The following KCNH1 variants were observed in gnomAD, a reference collection of about 807,000 sequenced individuals.
KCNH1 encodes potassium voltage-gated channel subfamily H member 1.
Under a neutral mutation model 69.2 loss-of-function variants are expected in KCNH1, and 27 were observed. The ratio of observed to expected loss-of-function variants is 0.39; its 90% confidence interval spans 0.29 to 0.54. The LOEUF (loss-of-function observed/expected upper bound fraction) is 0.54. Among genes scored for constraint, KCNH1 ranks in the 20% least tolerant of loss-of-function variants. KCNH1 has a pLI of 0.68. For synonymous variants in KCNH1, 456 were observed against 487.7 expected, an observed-to-expected ratio of 0.93 and a Z score of 0.86; for missense variants, 798 against 1,261.6, an observed-to-expected ratio of 0.63 and a Z score of 5.57.
At chr1:210,836,631 C>T (rs1469766773) in intron 7 of KCNH1, among the ~76,000 whole-genome samples, 1 of 152,182 alleles carries the variant, frequency 6.6e-6, no homozygotes, top group East Asian at 1.9e-4. Flanking sequence ...GTATAAGTCA[C>T]AGCACTTCCG....
chr1:210,888,846 A>T (rs1048219556), intron 7 of KCNH1, among the ~76,000 whole-genome samples: 1 of 152,218 alleles, frequency 6.6e-6, no homozygotes, highest in Admixed American at 6.5e-5. Context: ...CCCCAAGACT[A>T]AACCAGGAAG....
chr1:210,735,421 AGTGTGTGTGTGT>A (rs71146244), intron 10 of KCNH1, among the ~76,000 whole-genome samples: 5,100 of 132,060 alleles, frequency 0.039, 117 homozygotes, highest in African/African-American at 0.066. Flanking sequence ...TGAGTGAGTG[AGTGTGTGTGTGT>A]GTGTGTGTGT....
chr1:211,033,496 A>C (rs1039213028), intron 5 of KCNH1, among the ~76,000 whole-genome samples: 1 of 152,226 alleles, frequency 6.6e-6, no homozygotes, highest in African/African-American at 2.4e-5. Context: ...TCACAATAGC[A>C]AAGACTTGGA....
intron 7 of KCNH1, among the ~76,000 whole-genome samples, chr1:210,869,816 A>G (rs1328234602): frequency 6.6e-6 from 1 of 152,068 alleles, no homozygotes; most frequent in Non-Finnish European, 1.5e-5. Flanking sequence ...TCAAACTTCT[A>G]CCAGCCCTGT....
chr1:211,041,328 A>C (rs1689991365), intron 5 of KCNH1, among the ~76,000 whole-genome samples: 2 of 151,896 alleles, frequency 1.3e-5, no homozygotes, highest in African/African-American at 4.8e-5. Context: ...TCCTAATGCC[A>C]CTCTCTCTTG....
In KCNH1 at chr1:210,887,217, TAGAAG is replaced by T. The variant is rs1686633061; in HGVS notation, c.1462+32418_1462+32422del. On this transcript the variant is annotated intron_variant, in intron 7 of 10. Coordinates refer to ENST00000271751, the MANE Select transcript of KCNH1 (RefSeq NM_172362.3). ...GATCTCTCAGCAGAAACATACAAGC[TAGAAG>T]AGAGTGGGGTACAATATTCAACACT... Among the ~76,000 whole-genome samples, 5 of 152,164 alleles carry T rather than the reference TAGAAG, an allele frequency of 3.3e-5. No individual in the cohort carries two copies. The South Asian group carries it at 8.3e-4, about 25-fold the overall frequency.
intron 7 of KCNH1, among the ~76,000 whole-genome samples, chr1:210,867,002 A>G (rs1200185912): frequency 1.3e-5 from 2 of 152,126 alleles, no homozygotes; most frequent in South Asian, 4.1e-4. Context: ...AAGTGAAATA[A>G]GCCAGTCACA....
At chr1:211,012,770 G>A (rs1253892371) in intron 6 of KCNH1, among the ~76,000 whole-genome samples, 1 of 152,028 alleles carries the variant, frequency 6.6e-6, no homozygotes, top group Non-Finnish European at 1.5e-5. Context: ...TAAACTATAG[G>A]CTATATGCTA....
chr1:211,092,828 T>G (rs1348572853), intron 3 of KCNH1, among the ~76,000 whole-genome samples: 1 of 82,266 alleles, frequency 1.2e-5, no homozygotes. Flanking sequence ...AAAAAAAACC[T>G]TTTTTTTTTT....
Position 210,723,713 on chromosome 1 carries a change from T to C in KCNH1, c.2113-39575A>G, listed in dbSNP as rs564184720. Among the ~76,000 whole-genome samples, 26 of 151,918 alleles carry C rather than the reference T, an allele frequency of 1.7e-4. 1 individual carries two copies. The South Asian group carries it at 5.0e-3, about 29-fold the overall frequency. ...TTCATTAAGCTGAAAGGGGAAAACA[T>C]ACCAAAAAACCCCAACAATTCTCAA... On this transcript the variant is annotated intron_variant, in intron 10 of 10. Transcript: ENST00000271751.
chr1:210,824,229 C>A (rs966869120), intron 7 of KCNH1, among the ~76,000 whole-genome samples: 4 of 149,032 alleles, frequency 2.7e-5, no homozygotes, highest in Non-Finnish European at 5.9e-5. Flanking sequence ...AGATTGAGAC[C>A]CTCAGGTTTA....
At chr1:210,906,324 C>T (rs1274725756) in intron 7 of KCNH1, among the ~76,000 whole-genome samples, 4 of 152,036 alleles carry the variant, frequency 2.6e-5, no homozygotes, top group Non-Finnish European at 5.9e-5. Flanking sequence ...TGGTGGCAGA[C>T]ACAGTGCCGG....
intron 7 of KCNH1, chr1:210,859,527 C>T (rs1685929048): frequency 6.3e-7 from 1 of 1,597,260 alleles, no homozygotes; most frequent in South Asian, 1.1e-5. Flanking sequence ...CACCTGCCTG[C>T]TTAGCCAGAA....
intron 7 of KCNH1, among the ~76,000 whole-genome samples, chr1:210,811,009 C>G (rs7555905): frequency 0.58 from 88,880 of 151,978 alleles, 26,371 homozygotes; most frequent in East Asian, 0.67. Flanking sequence ...TGTCCTTTTG[C>G]ACTGCTCAGA....
intron 3 of KCNH1, among the ~76,000 whole-genome samples, chr1:211,099,882 C>T (rs144414058): frequency 6.6e-6 from 1 of 152,130 alleles, no homozygotes; most frequent in Non-Finnish European, 1.5e-5. Flanking sequence ...TCCATCTCCT[C>T]CATAGCCCCC....
At chr1:210,926,708 C>T (rs950560366) in intron 6 of KCNH1, among the ~76,000 whole-genome samples, 4 of 151,854 alleles carry the variant, frequency 2.6e-5, no homozygotes, top group Admixed American at 1.3e-4. Flanking sequence ...GGATCCAAAC[C>T]GAGACAAAAC....
intron 1 of KCNH1, among the ~76,000 whole-genome samples, chr1:211,122,981 C>T (rs1469202188): frequency 6.6e-6 from 1 of 151,468 alleles, no homozygotes. Context: ...ACATTAAAAA[C>T]AAAAAAGACT....
At chr1:211,073,397 C>T (rs981823769) in intron 5 of KCNH1, among the ~76,000 whole-genome samples, 1 of 152,174 alleles carries the variant, frequency 6.6e-6, no homozygotes, top group Non-Finnish European at 1.5e-5. Context: ...GTAGAGACTA[C>T]TTTGTCCAAC....
At chr1:210,693,318 C>T (rs748867195) in intron 10 of KCNH1, among the ~76,000 whole-genome samples, 1 of 152,196 alleles carries the variant, frequency 6.6e-6, no homozygotes, top group Non-Finnish European at 1.5e-5. Flanking sequence ...AGCATGGGTA[C>T]ATCAGTGTTT....
Sources: allele counts gnomAD v4.1 joint callset (sites outside exome capture counted in the v4.1 genomes callset), GRCh38; gene constraint gnomAD v4.1.1; transcripts MANE v1.5; gene names NCBI Gene and HGNC (gene_info 2026-07-23, HGNC 2026-07-21).